SOX6: variants seen among roughly 807,000 people sequenced by gnomAD.
SOX6 encodes SRY-box transcription factor 6, also known as transcription factor SOX-6.
SOX6 carries 11 observed loss-of-function variants against 97.8 expected under a neutral mutation model. That is an observed-to-expected ratio of 0.11 (90% confidence interval 0.07 to 0.19). SOX6 has a LOEUF of 0.19. SOX6 is among the 10% of genes least tolerant of loss of function. SOX6 has a pLI of 1.00. For missense variants in SOX6, 810 were observed against 1,039.5 expected, an observed-to-expected ratio of 0.78 and a Z score of 3.04; for synonymous variants, 360 against 371.4, an observed-to-expected ratio of 0.97 and a Z score of 0.35.
intron 10 of SOX6, among the ~76,000 whole-genome samples, chr11:16,054,745 A>G (rs989453629): frequency 1.3e-5 from 2 of 152,202 alleles, no homozygotes; most frequent in African/African-American, 4.8e-5. Context: ...ATCACATTAC[A>G]ATAAAGCATT....
At chr11:16,106,543 T>G (rs1050196367) in intron 7 of SOX6, among the ~76,000 whole-genome samples, 4 of 151,962 alleles carry the variant, frequency 2.6e-5, no homozygotes, top group Admixed American at 2.6e-4. Flanking sequence ...GTGCAAAAGA[T>G]GTAAAACAAT....
At chr11:16,462,218 G>C (rs750015568) in intron 1 of SOX6, among the ~76,000 whole-genome samples, 1 of 152,250 alleles carries the variant, frequency 6.6e-6, no homozygotes, top group Non-Finnish European at 1.5e-5. Flanking sequence ...AATAGTGTCA[G>C]AACACTTCTC....
chr11:16,318,526 C>T lies in SOX6; in HGVS notation c.365G>A (p.Arg122His), dbSNP rs747791112. The T allele has an allele frequency of 3.7e-6, 6 of 1,613,642 alleles. No homozygotes were observed. Among genetic ancestry groups the T allele is most frequent in the Middle Eastern group, 1.7e-4 (1 of 6,060 alleles). Residue 122 changes from arginine (R) to histidine (H), a missense_variant, in exon 3 of 16, where the codon CGC (arginine) becomes CAC (histidine). Arg to His is a conservative substitution (Grantham distance 29). Coordinates refer to ENST00000683767, the MANE Select transcript of SOX6 (RefSeq NM_001367873.1). ...MTSVTFGTPERRKGSLADVVD... is the reference protein window; with the variant it reads ...MTSVTFGTPEHRKGSLADVVD... ...CACATCGGCAAGACTCCCTTTGCGG[C>T]GCTCTGGGGTTCCAAAAGTAACACT...
chr11:16,058,755 A>T (rs1847877795), intron 9 of SOX6, among the ~76,000 whole-genome samples: 1 of 151,894 alleles, frequency 6.6e-6, no homozygotes, highest in South Asian at 2.1e-4. Flanking sequence ...ATGGCACATC[A>T]CTCATTCTCA....
At chr11:16,632,574 T>C (rs751189997) in intron 3 of SOX6, among the ~76,000 whole-genome samples, 1 of 152,172 alleles carries the variant, frequency 6.6e-6, no homozygotes, top group Non-Finnish European at 1.5e-5. Flanking sequence ...GGGGCCACTA[T>C]GGGCAGGGTC....
rs2133913201 is a variant in SOX6, at chr11:16,049,793, C to T, written c.1397G>A (p.Ser466Asn). 2 of 1,613,492 alleles carry T rather than the reference C, an allele frequency of 1.2e-6. No individual in the cohort carries two copies. Among genetic ancestry groups the T allele is most frequent in the Admixed American group, 1.7e-5 (1 of 59,940 alleles). Residue 466 changes from serine to asparagine, a missense_variant, in exon 11 of 16, where the codon AGC becomes AAC. Around this residue, in one of 9 missense-constraint regions of SOX6, gnomAD observed 244 missense variants for 261.0 expected, o/e 0.93. Transcript: ENST00000683767. ...VNLPNKSSIP[S>N]PIGGSLGRGS... ...TCTTCCCAGGCTTCCTCCAATGGGG[C>T]TAGGGATGCTGCTTTTGTTTGGCAG...
intron 4 of SOX6, among the ~76,000 whole-genome samples, chr11:16,600,069 C>A (rs1286398056): frequency 6.6e-6 from 1 of 152,168 alleles, no homozygotes; most frequent in Non-Finnish European, 1.5e-5. Context: ...AATGTTTGTA[C>A]AAAATTATAA....
chr11:16,641,510 A>G (rs12417684), intron 3 of SOX6, among the ~76,000 whole-genome samples: 24,760 of 151,496 alleles, frequency 0.16, 2,609 homozygotes, highest in East Asian at 0.32. Flanking sequence ...GTGGGGTGTT[A>G]AAGTCTCTCG....
At chr11:16,566,095 C>CAA (rs67916329) in intron 4 of SOX6, among the ~76,000 whole-genome samples, 4,902 of 98,658 alleles carry the variant, frequency 0.05, 316 homozygotes, top group African/African-American at 0.16. Context: ...GACTCCGTCT[C>CAA]AAAAAAAAAA....
chr11:16,519,825 TA>T (rs1861030939), intron 4 of SOX6, among the ~76,000 whole-genome samples: 1 of 152,194 alleles, frequency 6.6e-6, no homozygotes, highest in African/African-American at 2.4e-5. Context: ...CAACAGTACA[TA>T]AGTGTTCCCT....
intron 4 of SOX6, among the ~76,000 whole-genome samples, chr11:16,510,309 G>T (rs941495363): frequency 2.6e-5 from 4 of 151,948 alleles, no homozygotes; most frequent in Admixed American, 6.6e-5. Context: ...TTATCATTCT[G>T]AACTAGTTGG....
At chr11:16,533,039 A>G (rs1861259395) in intron 4 of SOX6, among the ~76,000 whole-genome samples, 1 of 151,960 alleles carries the variant, frequency 6.6e-6, no homozygotes, top group Non-Finnish European at 1.5e-5. Flanking sequence ...AAATATTTTC[A>G]AGAAAATGAA....
intron 3 of SOX6, among the ~76,000 whole-genome samples, chr11:16,704,173 T>A (rs985125817): frequency 6.6e-6 from 1 of 152,216 alleles, no homozygotes; most frequent in Non-Finnish European, 1.5e-5. Context: ...CCAGATATTG[T>A]AATCAATTCA....
intron 6 of SOX6, among the ~76,000 whole-genome samples, chr11:16,157,102 G>C (rs1850623682): frequency 6.6e-6 from 1 of 151,988 alleles, no homozygotes; most frequent in Non-Finnish European, 1.5e-5. Context: ...AAATGTGGGA[G>C]TTTGCTTAAA....
chr11:16,084,302 T>A lies in SOX6; in HGVS notation c.1101+11694A>T, dbSNP rs60752888. 5.9e-5 allele frequency among the ~76,000 whole-genome samples: 9 copies of A among 152,256 alleles called. No homozygotes were observed. In the East Asian group the frequency reaches 1.7e-3, roughly 29 times the overall value. The stretch of plus-strand genomic sequence containing the variant: ...ACCTTAAAGTATTACTCATTTAATT[T>A]ATTTCTTCCTCAGACTATTACTATA... On this transcript the variant is annotated intron_variant, in intron 9 of 15. Transcript: ENST00000683767.
intron 1 of SOX6, among the ~76,000 whole-genome samples, chr11:16,362,799 T>TGG (rs1857243009): frequency 6.6e-6 from 1 of 152,158 alleles, no homozygotes; most frequent in Non-Finnish European, 1.5e-5. Context: ...ACGTCTACTC[T>TGG]TTCTCAGAAC....
intron 3 of SOX6, among the ~76,000 whole-genome samples, chr11:16,243,673 A>G (rs1371647497): frequency 6.6e-6 from 1 of 151,918 alleles, no homozygotes; most frequent in East Asian, 1.9e-4. Context: ...CCAGGCAATC[A>G]TCCATGCTCC....
rs1450569085 is a variant in SOX6 at position 16,458,265 on chromosome 11, AG to A, written c.-5+18049del. 2.0e-5 allele frequency among the ~76,000 whole-genome samples: 3 copies of A among 152,064 alleles called. No homozygotes were observed. In the East Asian group the frequency reaches 5.8e-4, roughly 29 times the overall value. On this transcript the variant is annotated intron_variant, in intron 1 of 15. Transcript: ENST00000396356. Reference sequence around the variant, plus strand: ...AAGCACTTACTATATGTTGGAAACTAGGGATGGGTAGACAAGGCAGATATTT... The same window carrying A: ...AAGCACTTACTATATGTTGGAAACTAGGATGGGTAGACAAGGCAGATATTT...
intron 3 of SOX6, among the ~76,000 whole-genome samples, chr11:16,692,767 T>C (rs1848025887): frequency 6.6e-6 from 1 of 152,250 alleles, no homozygotes; most frequent in Non-Finnish European, 1.5e-5. Flanking sequence ...AAAATCAGTA[T>C]TGTCCTATTT....
Sources: gnomAD v4.1 joint callset for allele counts (sites outside exome capture counted in the v4.1 genomes callset) on GRCh38, gnomAD v4.1.1 for gene constraint, gnomAD v4.1.1 regional missense constraint, MANE v1.5 for transcripts, NCBI Gene and HGNC (gene_info 2026-07-23, HGNC 2026-07-21) for gene names.